The following CARS1 variants were observed in gnomAD, a reference collection of about 807,000 sequenced individuals.
CARS1 encodes cysteinyl-tRNA synthetase 1.
CARS1 carries 48 observed loss-of-function variants against 106.2 expected under a neutral mutation model. The observed-to-expected ratio is 0.45, with a 90% CI of 0.36 to 0.57. The LOEUF (loss-of-function observed/expected upper bound fraction) is 0.57, where lower values mean the gene tolerates loss of function less well. Among genes scored for constraint, CARS1 ranks in the 20% least tolerant of loss-of-function variants. The pLI, the probability that CARS1 is intolerant of heterozygous loss-of-function variation, is 0.00. For missense variants in CARS1, 968 were observed against 1,057.2 expected (o/e 0.92, Z 1.17); for synonymous variants, 409 against 403.4 (o/e 1.01, Z -0.17).
intron 1 of CARS1, among the ~76,000 whole-genome samples, chr11:3,054,563 AAT>A (rs1856006905): frequency 6.6e-6 from 1 of 152,228 alleles, no homozygotes; most frequent in Admixed American, 6.5e-5. Context: ...GTCTGAAGAG[AAT>A]CATCAAAGGC....
chr11:3,012,073 CG>C (rs2134116981), intron 18 of CARS1, 121 bp downstream of exon 18: 1 of 882,764 alleles, frequency 1.1e-6, no homozygotes, highest in East Asian at 2.5e-5. Context: ...CTGTGGTGCA[CG>C]GGGCAGCCTT....
intron 18 of CARS1, among the ~76,000 whole-genome samples, chr11:3,009,761 C>A (rs770560953): frequency 2.6e-5 from 4 of 152,176 alleles, no homozygotes; most frequent in Non-Finnish European, 5.9e-5. Flanking sequence ...GTTTCTTTTT[C>A]GTCTGTCTGT....
rs775915799 is a variant in CARS1 at position 3,039,916 on chromosome 11, A to G, written c.471T>C (p.Phe157=). ...CCTTCAACACTCTTCTCAAGATATC[A>G]AAAGAGATGTAGGACCTAAAGCAAT... ...HMGHARSYIS[F]DILRRVLKDY... The change falls in exon 5 of 23, where the codon TTT becomes TTC. Residue 157 remains phenylalanine (F), a synonymous_variant. Coordinates refer to ENST00000380525, the MANE Select transcript of CARS1 (RefSeq NM_001014437.3). This position sits in a 1 kb window ranked among gnomAD's most constrained non-coding sequence, Gnocchi z 5.6. 46 of 1,580,040 alleles carry G rather than the reference A, an allele frequency of 2.9e-5. No individual in the cohort carries two copies. The highest frequency in any genetic ancestry group is 3.9e-5 in the Non-Finnish European group (45 of 1,159,424).
rs752458378 is a variant in CARS1, at chr11:3,019,219, G to A, written c.1315C>T (p.Leu439=). The change falls in exon 12 of 23, where the codon CTA becomes TTA. Residue 439 remains leucine (L), a synonymous_variant. Transcript: ENST00000380525. This position sits in a 1 kb window ranked among gnomAD's most constrained non-coding sequence, Gnocchi z 6.2. ...CCGTGAATGTCCATCGAAGCCCCTA[G>A]GAGGGTGCCTGCCATGGCCGAGCAC... ...IECSAMAGTL[L]GASMDIHGGG... 1 of 1,510,574 alleles carries A rather than the reference G, an allele frequency of 6.6e-7. No homozygotes were observed. Among genetic ancestry groups the A allele is most frequent in the Admixed American group, 2.3e-5 (1 of 43,760 alleles). 93.6% of individuals were successfully genotyped at this position (1,510,574 alleles called of 1,614,324 possible). A position where few individuals can be genotyped will look rare whatever the true frequency, so the allele number is the denominator to read the frequency against.
In CARS1 at chr11:3,050,862, G is replaced by A. The variant is rs1490793757; in HGVS notation, c.26-2861C>T. On this transcript the variant is annotated intron_variant, in intron 1 of 22. Transcript: ENST00000380525. This position sits in a 1 kb window ranked among gnomAD's most constrained non-coding sequence, Gnocchi z 6.3. ...CTGAGCCTGGCTGCTCTTTCTCTCC[G>A]CAGCACCCCTGTCTAACACGTGCCC... is the stretch of plus-strand genomic sequence containing the variant. Among the ~76,000 whole-genome samples the A allele has an allele frequency of 1.3e-5, 2 of 152,166 alleles. No homozygotes were observed. Among genetic ancestry groups the A allele is most frequent in the Non-Finnish European group, 2.9e-5 (2 of 68,038 alleles).
Position 3,048,216 on chromosome 11 carries a change from T to C in CARS1, c.26-215A>G, listed in dbSNP as rs1275594305. ...CTGACAGGTATGGATGGGTTCCCTC[T>C]TGGGTGATGAAAATGCTTTGGAACT... is the stretch of plus-strand genomic sequence containing the variant. On this transcript the variant is annotated intron_variant, in intron 1 of 22. Coordinates refer to ENST00000380525, the MANE Select transcript of CARS1 (RefSeq NM_001014437.3). This position sits in a 1 kb window ranked among gnomAD's most constrained non-coding sequence, Gnocchi z 5.1. 1.9e-6 allele frequency: 1 copy of C among 530,658 alleles called. No homozygotes were observed. Among genetic ancestry groups the C allele is most frequent in the Admixed American group, 3.4e-5 (1 of 29,762 alleles). The allele number at this position is 530,658 out of a possible 1,614,324, so 32.9% of individuals were successfully genotyped here. A position where few individuals can be genotyped will look rare whatever the true frequency, so the allele number is the denominator to read the frequency against.
Position 3,019,262 on chromosome 11 carries a change from A to C in CARS1, c.1272T>G (p.Arg424=). 1 of 1,434,764 alleles carries C rather than the reference A, an allele frequency of 7.0e-7. No individual in the cohort carries two copies. Among genetic ancestry groups the C allele is most frequent in the Non-Finnish European group, 9.2e-7 (1 of 1,086,988 alleles). 88.9% of individuals were successfully genotyped at this position (1,434,764 alleles called of 1,614,324 possible). A position where few individuals can be genotyped will look rare whatever the true frequency, so the allele number is the denominator to read the frequency against. The change falls in exon 12 of 23, where the codon CGT becomes CGG. Residue 424 remains arginine (R), a synonymous_variant. Coordinates refer to ENST00000380525, the MANE Select transcript of CARS1 (RefSeq NM_001014437.3). The surrounding 1 kb of genome is among the most constrained non-coding windows in gnomAD (Gnocchi z 6.2). ...CCGAGCACTCGATATGCCAGCCCGG[A>C]CGACCCTGGAGAAAGCCGAACACAC... The part of the protein sequence containing the change: ...PSWPCPWGKG[R]PGWHIECSAM...
Position 3,029,901 on chromosome 11 carries a change from C to T in CARS1, c.802-458G>A. 6.3e-6 allele frequency: 1 copy of T among 158,946 alleles called. No homozygotes were observed. Among genetic ancestry groups the T allele is most frequent in the Non-Finnish European group, 1.4e-5 (1 of 72,728 alleles). 9.8% of individuals were successfully genotyped at this position (158,946 alleles called of 1,614,324 possible). A position where few individuals can be genotyped will look rare whatever the true frequency, so the allele number is the denominator to read the frequency against. On this transcript the variant is annotated intron_variant, in intron 7 of 22. Transcript: ENST00000380525. The surrounding 1 kb of genome is among the most constrained non-coding windows in gnomAD (Gnocchi z 5.9). ...GGCAGGGCACTGGTCCCAGAGGTCTCAAAAGCCCCATCTCCCTGACGCCAT... is the reference window on the plus strand; with the variant it reads ...GGCAGGGCACTGGTCCCAGAGGTCTTAAAAGCCCCATCTCCCTGACGCCAT...
chr11:3,005,532 T>C (rs1849775509), intron 19 of CARS1, 99 bp from the exon 20 acceptor site: 5 of 855,848 alleles, frequency 5.8e-6, no homozygotes. Flanking sequence ...GACCATGCGG[T>C]GCTGCCCAGT....
chr11:3,040,522 G>A lies in CARS1; in HGVS notation c.455+374C>T, dbSNP rs932491773. The A allele has an allele frequency of 1.0e-4, 49 of 483,380 alleles. No individual in the cohort carries two copies. Among genetic ancestry groups the A allele is most frequent in the Admixed American group, 4.8e-4 (21 of 43,342 alleles). 29.9% of individuals were successfully genotyped at this position (483,380 alleles called of 1,614,324 possible). ...TCGGGGGGCGGTCACAGCCAACCCA[G>A]CGTCAGGCCTGTCAGGTCTGAGTGT... On this transcript the variant is annotated intron_variant, in intron 4 of 22. Coordinates refer to ENST00000380525, the MANE Select transcript of CARS1 (RefSeq NM_001014437.3). This position sits in a 1 kb window ranked among gnomAD's most constrained non-coding sequence, Gnocchi z 5.8.
chr11:3,007,284 A>T, intron 18 of CARS1: 1 of 388,120 alleles, frequency 2.6e-6, no homozygotes, highest in Non-Finnish European at 4.7e-6. Context: ...AAGGGACACA[A>T]GTTGGGCCGA....
At position 3,029,567 on chromosome 11, in the gene CARS1, C is replaced by T. The variant is rs1852496200; in HGVS notation, c.802-124G>A. ...GGTGCTGACCTTGACCTGTGAAGAGCCACCGTCTCCTAGGGAGACTGTGAT... is the reference window on the plus strand; with the variant it reads ...GGTGCTGACCTTGACCTGTGAAGAGTCACCGTCTCCTAGGGAGACTGTGAT... On this transcript the variant is annotated intron_variant, in intron 7 of 22. Coordinates refer to ENST00000380525, the MANE Select transcript of CARS1 (RefSeq NM_001014437.3). The surrounding 1 kb of genome is among the most constrained non-coding windows in gnomAD (Gnocchi z 5.9). The T allele has an allele frequency of 1.0e-6, 1 of 980,512 alleles. No homozygotes were observed. 60.7% of individuals were successfully genotyped at this position (980,512 alleles called of 1,614,324 possible).
chr11:3,047,797 A>G lies in CARS1; in HGVS notation c.230T>C (p.Leu77Pro). ...CTGGCCTTTGCCACAGGGGCTACCC[A>G]GGAGCGCTTCTATGTGCCTGAACCA... ...ARWFRHIEALLGSPCGKGQPC... is the reference protein window; with the variant it reads ...ARWFRHIEALPGSPCGKGQPC... Residue 77 changes from leucine (L) to proline (P), a missense_variant, in exon 2 of 23, where the codon CTG becomes CCG. Coordinates refer to ENST00000380525, the MANE Select transcript of CARS1 (RefSeq NM_001014437.3). 6.2e-7 allele frequency: 1 copy of G among 1,614,040 alleles called. No homozygotes were observed. Among genetic ancestry groups the G allele is most frequent in the Non-Finnish European group, 8.5e-7 (1 of 1,179,980 alleles).
At chr11:3,049,788 T>C (rs528892238) in intron 1 of CARS1, among the ~76,000 whole-genome samples, 38 of 152,226 alleles carry the variant, frequency 2.5e-4, no homozygotes, top group South Asian at 8.3e-4. Flanking sequence ...TTCCCTTTTG[T>C]CCCCCATCTC....
In CARS1 at chr11:3,052,221, G is replaced by A. The variant is rs1262424582; in HGVS notation, c.26-4220C>T. ...TGGAGACCTGAGGGGCGGCCCCGAC[G>A]CCCTCCAGGGCTGAGTACCTACACT... On this transcript the variant is annotated intron_variant, in intron 1 of 22. Transcript: ENST00000380525. This position sits in a 1 kb window ranked among gnomAD's most constrained non-coding sequence, Gnocchi z 4.6. 1.3e-5 allele frequency among the ~76,000 whole-genome samples: 2 copies of A among 152,200 alleles called. No homozygotes were observed. Among genetic ancestry groups the A allele is most frequent in the Admixed American group, 6.5e-5 (1 of 15,288 alleles).
In CARS1 at chr11:3,022,203, T is replaced by C. The variant is rs1452336144; in HGVS notation, c.1154-1871A>G. Among the ~76,000 whole-genome samples, 1 of 152,218 alleles carries C rather than the reference T, an allele frequency of 6.6e-6. No homozygotes were observed. The highest frequency in any genetic ancestry group is 1.5e-5 in the Non-Finnish European group (1 of 68,044). On this transcript the variant is annotated intron_variant, in intron 10 of 22. Coordinates refer to ENST00000380525, the MANE Select transcript of CARS1 (RefSeq NM_001014437.3). This position sits in a 1 kb window ranked among gnomAD's most constrained non-coding sequence, Gnocchi z 4.9. ...CCTGCTCCACCACTGTTCCTAGCGA[T>C]AGAATCTCTAACCCTGGACCTTTTT... is the stretch of plus-strand genomic sequence containing the variant.
At chr11:3,012,151 T>TG in intron 18 of CARS1, 44 bp downstream of exon 18, 1 of 1,543,026 alleles carries the variant, frequency 6.5e-7, no homozygotes, top group Non-Finnish European at 9.0e-7. Context: ...GGGAGCCCAG[T>TG]GAGGGGAGTG....
Position 3,019,072 on chromosome 11 carries a change from C to A in CARS1, c.1395+67G>T. ...GAGGCCCTTCTGAGGCCTGGGCTGA[C>A]TTTTCCTCCACTGCAGTATGAACAC... On this transcript the variant is annotated intron_variant, in intron 12 of 22. Transcript: ENST00000380525. This position sits in a 1 kb window ranked among gnomAD's most constrained non-coding sequence, Gnocchi z 6.2. 1 of 1,482,272 alleles carries A rather than the reference C, an allele frequency of 6.7e-7. No individual in the cohort carries two copies. The highest frequency in any genetic ancestry group is 9.0e-7 in the Non-Finnish European group (1 of 1,114,666). The allele number at this position is 1,482,272 out of a possible 1,614,324, so 91.8% of individuals were successfully genotyped here. A position where few individuals can be genotyped will look rare whatever the true frequency, so the allele number is the denominator to read the frequency against.
Position 3,029,042 on chromosome 11 carries a change from G to T in CARS1, c.985C>A (p.Pro329Thr). Residue 329 changes from proline to threonine, a missense_variant, in exon 9 of 23, where the codon CCA becomes ACA. Pro to Thr is a conservative substitution (Grantham distance 38). Coordinates refer to ENST00000380525, the MANE Select transcript of CARS1 (RefSeq NM_001014437.3). This position sits in a 1 kb window ranked among gnomAD's most constrained non-coding sequence, Gnocchi z 5.9. The stretch of plus-strand genomic sequence containing the variant: ...TTCTGGACAAAGTTCACAATTTCTG[G>T]CACATACTCACTAACCCGGGTTAAG... ...DVLTRVSEYV[P>T]EIVNFVQKIV... 6.2e-7 allele frequency: 1 copy of T among 1,613,834 alleles called. No individual in the cohort carries two copies. The highest frequency in any genetic ancestry group is 8.5e-7 in the Non-Finnish European group (1 of 1,179,796).
Sources: allele counts gnomAD v4.1 joint callset (sites outside exome capture counted in the v4.1 genomes callset), GRCh38; gene constraint gnomAD v4.1.1; non-coding constraint Gnocchi (gnomAD v3.1); transcripts MANE v1.5; gene names NCBI Gene and HGNC (gene_info 2026-07-23, HGNC 2026-07-21).